The following OXCT1 variants were observed in gnomAD, a reference collection of about 807,000 sequenced individuals.
The protein encoded by OXCT1 is 3-oxoacid CoA-transferase 1, also known as succinyl-CoA:3-ketoacid coenzyme A transferase 1, mitochondrial.
A neutral mutation model predicts 69.6 loss-of-function variants in OXCT1; 27 were observed. The observed-to-expected ratio is 0.39, with a 90% confidence interval of 0.29 to 0.54. The LOEUF (loss-of-function observed/expected upper bound fraction) is 0.54, where lower values mean the gene tolerates loss of function less well. Among genes scored for constraint, OXCT1 ranks in the 20% least tolerant of loss-of-function variants. The pLI, the probability that OXCT1 is intolerant of heterozygous loss-of-function variation, is 0.72. For synonymous variants in OXCT1, 202 were observed against 217.8 expected (o/e 0.93, Z 0.64); for missense variants, 437 against 650.2 (o/e 0.67, Z 3.57).
intron 7 of OXCT1, among the ~76,000 whole-genome samples, chr5:41,832,380 G>A (rs1015607617): frequency 2.0e-5 from 3 of 151,924 alleles, no homozygotes; most frequent in Non-Finnish European, 4.4e-5. Flanking sequence ...CTTGTTTGGA[G>A]GAAAGTAAGG....
chr5:41,735,293 T>C (rs571289451), intron 16 of OXCT1, among the ~76,000 whole-genome samples: 12 of 152,290 alleles, frequency 7.9e-5, no homozygotes, highest in Admixed American at 7.2e-4. Context: ...TCATACATGC[T>C]ACAACACAGA....
intron 7 of OXCT1, 57 bp from the exon 8 acceptor site, chr5:41,807,495 ATTTT>A: frequency 2.0e-6 from 2 of 996,930 alleles, no homozygotes; most frequent in Non-Finnish European, 3.2e-6. Context: ...AACATTTTTA[ATTTT>A]TTAAAAAGTA....
chr5:41,840,276 G>C (rs2112398820), intron 7 of OXCT1, among the ~76,000 whole-genome samples, 175 bp downstream of exon 7: 1 of 151,856 alleles, frequency 6.6e-6, no homozygotes, highest in Non-Finnish European at 1.5e-5. Flanking sequence ...GAAAGCTGAA[G>C]TTACAGCAAA....
chr5:41,775,322 G>A (rs1435087862), intron 13 of OXCT1, among the ~76,000 whole-genome samples: 2 of 152,118 alleles, frequency 1.3e-5, no homozygotes, highest in South Asian at 2.1e-4. Flanking sequence ...TACAACCCCC[G>A]CTCAGCTTCA....
At chr5:41,839,533 C>T (rs1479853726) in intron 7 of OXCT1, among the ~76,000 whole-genome samples, 1 of 152,150 alleles carries the variant, frequency 6.6e-6, no homozygotes. Context: ...CACCATGCCT[C>T]GGTTGAAAGT....
intron 11 of OXCT1, among the ~76,000 whole-genome samples, chr5:41,799,238 A>G (rs1474568745): frequency 6.6e-6 from 1 of 152,206 alleles, no homozygotes. Context: ...GATCTTGCAG[A>G]TAACTTTGGG....
intron 13 of OXCT1, among the ~76,000 whole-genome samples, chr5:41,785,862 G>T (rs985919283): frequency 6.6e-6 from 1 of 152,206 alleles, no homozygotes; most frequent in Non-Finnish European, 1.5e-5. Flanking sequence ...GAAGGGGTAA[G>T]GGTATGCCTG....
intron 16 of OXCT1, among the ~76,000 whole-genome samples, chr5:41,737,432 C>G (rs1046066781): frequency 1.4e-5 from 2 of 147,840 alleles, no homozygotes; most frequent in African/African-American, 4.9e-5. Context: ...TTTGTACATT[C>G]TCTTTTGCTG....
At chr5:41,742,986 A>G (rs1208230601) in intron 15 of OXCT1, among the ~76,000 whole-genome samples, 1 of 152,176 alleles carries the variant, frequency 6.6e-6, no homozygotes, top group Non-Finnish European at 1.5e-5. Flanking sequence ...TCCTTTGGGT[A>G]TATACACAGT....
intron 14 of OXCT1, among the ~76,000 whole-genome samples, chr5:41,749,971 G>T (rs561360366): frequency 3.3e-5 from 5 of 152,002 alleles, no homozygotes; most frequent in African/African-American, 4.8e-5. Context: ...AGATATCTGC[G>T]CAGGATGCAA....
chr5:41,859,864 A>AATATATATATATATATAT (rs3050894), intron 3 of OXCT1, among the ~76,000 whole-genome samples: 1,391 of 119,086 alleles, frequency 0.012, 10 homozygotes, highest in Non-Finnish European at 0.017. Context: ...CTAGTATAGT[A>AATATATATATATATATAT]ATATATATAT....
At chr5:41,746,279 A>T (rs1743485520) in intron 15 of OXCT1, among the ~76,000 whole-genome samples, 1 of 152,178 alleles carries the variant, frequency 6.6e-6, no homozygotes, top group Non-Finnish European at 1.5e-5. Flanking sequence ...TCCAGCATAT[A>T]AACAGAACCA....
At chr5:41,863,969 C>T (rs944828451) in intron 1 of OXCT1, among the ~76,000 whole-genome samples, 3 of 152,130 alleles carry the variant, frequency 2.0e-5, no homozygotes, top group African/African-American at 7.2e-5. Flanking sequence ...AACTCATCCT[C>T]CTATGGGGCT....
chr5:41,841,349 G>A (rs571637728), intron 6 of OXCT1, among the ~76,000 whole-genome samples: 7 of 152,206 alleles, frequency 4.6e-5, no homozygotes, highest in East Asian at 1.9e-4. Context: ...AGGAGCCCTC[G>A]TGAACTTTCA....
chr5:41,869,255 T>C (rs1354585908), intron 1 of OXCT1, among the ~76,000 whole-genome samples: 1 of 152,144 alleles, frequency 6.6e-6, no homozygotes, highest in Middle Eastern at 3.2e-3. Context: ...GAAAGAGCAA[T>C]GGGGCCAGGC....
chr5:41,793,930 GC>G, intron 13 of OXCT1, 72 bp downstream of exon 13: 1 of 874,636 alleles, frequency 1.1e-6, no homozygotes. Flanking sequence ...TGATCTCATG[GC>G]CCTTTTTCTT....
chr5:41,805,478 G>T, intron 9 of OXCT1, 89 bp downstream of exon 9: 3 of 847,106 alleles, frequency 3.5e-6, no homozygotes, highest in South Asian at 1.4e-5. Flanking sequence ...GACTAGAGAT[G>T]ACTCACTATG....
At chr5:41,745,696 A>G (rs975682655) in intron 15 of OXCT1, among the ~76,000 whole-genome samples, 1 of 152,204 alleles carries the variant, frequency 6.6e-6, no homozygotes, top group African/African-American at 2.4e-5. Context: ...AAATAGACGC[A>G]ATAAAAAATG....
At chr5:41,777,568 T>C (rs1010781921) in intron 13 of OXCT1, among the ~76,000 whole-genome samples, 2 of 152,242 alleles carry the variant, frequency 1.3e-5, no homozygotes, top group African/African-American at 2.4e-5. Flanking sequence ...ATGTCCATTA[T>C]GTTGAACTTA....
Sources: gnomAD v4.1 joint callset for allele counts (sites outside exome capture counted in the v4.1 genomes callset) on GRCh38, gnomAD v4.1.1 for gene constraint, MANE v1.5 for transcripts, NCBI Gene and HGNC (gene_info 2026-07-23, HGNC 2026-07-21) for gene names.